Variants in CDK6 observed in about 807,000 individuals in gnomAD.
CDK6 encodes the protein cyclin dependent kinase 6, also known as cyclin-dependent kinase 6.
Under a neutral mutation model 37.1 loss-of-function variants are expected in CDK6, and 6 were observed. The observed-to-expected ratio is 0.16, with a 90% CI of 0.09 to 0.32. The LOEUF is 0.32. Ranked by LOEUF, CDK6 falls within the 10% of genes least tolerant of loss-of-function variation. CDK6 has a pLI of 1.00. For missense variants in CDK6, 224 were observed against 418.9 expected (o/e 0.53, Z 4.06); for synonymous variants, 160 against 161.3 (o/e 0.99, Z 0.06).
chr7:92,827,000 A>C (rs1801339455), intron 2 of CDK6, among the ~76,000 whole-genome samples: 1 of 152,156 alleles, frequency 6.6e-6, no homozygotes, highest in African/African-American at 2.4e-5. Context: ...TTTCTGGTAT[A>C]TCCAATGACC....
intron 3 of CDK6, among the ~76,000 whole-genome samples, chr7:92,769,201 CA>C (rs1799652468): frequency 6.6e-6 from 1 of 152,094 alleles, no homozygotes; most frequent in Non-Finnish European, 1.5e-5. Context: ...AAAAATATTA[CA>C]ACCAATAGAA....
chr7:92,831,435 T>C (rs1475685204), intron 2 of CDK6, among the ~76,000 whole-genome samples: 1 of 152,180 alleles, frequency 6.6e-6, no homozygotes, highest in Non-Finnish European at 1.5e-5. Flanking sequence ...AACAAGAACT[T>C]CCGTCTTAAA....
intron 2 of CDK6, 122 bp downstream of exon 2, chr7:92,832,969 G>T: frequency 1.5e-6 from 1 of 680,090 alleles, no homozygotes; most frequent in Non-Finnish European, 2.5e-6. Context: ...AAGACCAACA[G>T]GTCGCGCAGG....
intron 2 of CDK6, among the ~76,000 whole-genome samples, chr7:92,808,749 T>C (rs1800791960): frequency 6.6e-6 from 1 of 152,158 alleles, no homozygotes; most frequent in Non-Finnish European, 1.5e-5. Flanking sequence ...CATAACCCAT[T>C]TTCAGCTGGG....
chr7:92,807,498 A>G (rs1256899684), intron 2 of CDK6, among the ~76,000 whole-genome samples: 2 of 150,672 alleles, frequency 1.3e-5, no homozygotes, highest in Non-Finnish European at 3.0e-5. Context: ...GTAAGTTTAT[A>G]TCTATCTAAA....
chr7:92,741,871 G>A (rs992762805), intron 3 of CDK6, among the ~76,000 whole-genome samples: 8 of 152,200 alleles, frequency 5.3e-5, no homozygotes, highest in African/African-American at 1.4e-4. Flanking sequence ...ATAGCTACTC[G>A]AAGATAGTAA....
rs928636785 is a variant in CDK6 at position 92,613,437 on chromosome 7, C to G, written c.*1703G>C. The stretch of plus-strand genomic sequence containing the variant: ...AGGTGGCTAAACTTTCCAAAAGATA[C>G]TTTCTGTGTCCTCTGGTTACTAGAG... On this transcript the variant is annotated 3_prime_UTR_variant, in exon 8 of 8. Transcript: ENST00000424848. 1 of 233,596 alleles carries G rather than the reference C, an allele frequency of 4.3e-6. No individual in the cohort carries two copies. Among genetic ancestry groups the G allele is most frequent in the Non-Finnish European group, 8.5e-6 (1 of 118,052 alleles). 14.5% of individuals were successfully genotyped at this position (233,596 alleles called of 1,614,324 possible). A position where few individuals can be genotyped will look rare whatever the true frequency, so the allele number is the denominator to read the frequency against.
intron 4 of CDK6, among the ~76,000 whole-genome samples, chr7:92,691,831 A>G (rs1014264720): frequency 6.6e-6 from 1 of 152,254 alleles, no homozygotes; most frequent in African/African-American, 2.4e-5. Flanking sequence ...CAGATGTCAA[A>G]TACAGGGAAG....
chr7:92,653,333 C>T (rs1275539506), intron 5 of CDK6, among the ~76,000 whole-genome samples: 1 of 152,212 alleles, frequency 6.6e-6, no homozygotes, highest in Admixed American at 6.5e-5. Context: ...CCTAAGAATG[C>T]ATCTCAGGGC....
intron 4 of CDK6, among the ~76,000 whole-genome samples, chr7:92,686,605 AT>A (rs1322117930): frequency 1.3e-5 from 2 of 152,016 alleles, no homozygotes; most frequent in East Asian, 3.8e-4. Context: ...ATGTGCAAGT[AT>A]TTTTTTCGTA....
At chr7:92,705,163 CTT>C (rs1797938857) in intron 4 of CDK6, among the ~76,000 whole-genome samples, 1 of 152,082 alleles carries the variant, frequency 6.6e-6, no homozygotes, top group Non-Finnish European at 1.5e-5. Flanking sequence ...AGATTATTTT[CTT>C]TCTTTTTGAA....
chr7:92,669,584 T>C (rs940617648), intron 5 of CDK6, among the ~76,000 whole-genome samples: 4 of 152,230 alleles, frequency 2.6e-5, no homozygotes, highest in African/African-American at 4.8e-5. Context: ...TGCGATGAAG[T>C]AGAATGACTG....
chr7:92,811,873 C>T (rs949384367), intron 2 of CDK6, among the ~76,000 whole-genome samples: 2 of 152,094 alleles, frequency 1.3e-5, no homozygotes, highest in Non-Finnish European at 2.9e-5. Flanking sequence ...CTTAAAAGGG[C>T]GAGGCGCAGC....
intron 2 of CDK6, among the ~76,000 whole-genome samples, chr7:92,802,372 C>G (rs1800602344): frequency 6.6e-6 from 1 of 152,136 alleles, no homozygotes; most frequent in Admixed American, 6.5e-5. Flanking sequence ...TCTAATATAA[C>G]TATCAATCCT....
chr7:92,689,566 G>T (rs1356747770), intron 4 of CDK6, among the ~76,000 whole-genome samples: 2 of 152,128 alleles, frequency 1.3e-5, no homozygotes, highest in Non-Finnish European at 2.9e-5. Context: ...ATGATTCTTT[G>T]CTATTGTGAA....
chr7:92,639,675 G>A (rs1796257069), intron 5 of CDK6, among the ~76,000 whole-genome samples: 1 of 152,086 alleles, frequency 6.6e-6, no homozygotes, highest in South Asian at 2.1e-4. Context: ...CGTTGTTATG[G>A]GTAGTGACAG....
intron 4 of CDK6, among the ~76,000 whole-genome samples, chr7:92,715,342 G>A (rs1048739592): frequency 6.6e-6 from 1 of 151,922 alleles, no homozygotes; most frequent in African/African-American, 2.4e-5. Context: ...TAAATTTACA[G>A]CCCCATTTTT....
chr7:92,680,817 C>A (rs1348032625), intron 4 of CDK6, among the ~76,000 whole-genome samples: 2 of 152,170 alleles, frequency 1.3e-5, no homozygotes, highest in Non-Finnish European at 2.9e-5. Context: ...CCAGATCCTA[C>A]CCATCTTTCA....
At position 92,833,304 on chromosome 7, in the gene CDK6, C is replaced by T; in HGVS notation, c.20G>A (p.Cys7Tyr). Residue 7 changes from cysteine to tyrosine, a missense_variant, in exon 2 of 8, where the codon TGC (cysteine) becomes TAC (tyrosine). Around this residue, in one of 5 missense-constraint regions of CDK6, gnomAD observed 18 missense variants for 18.5 expected, o/e 0.97. Coordinates refer to ENST00000424848, the MANE Select transcript of CDK6 (RefSeq NM_001145306.2). This position sits in a 1 kb window ranked among gnomAD's most constrained non-coding sequence, Gnocchi z 6.1. ...GCATTCGTACTGCTGGTCAGCGCGG[C>T]ACAGGCCGTCCTTCTCCATGCCGCC... MEKDGLCRADQQYECVA... is the reference protein window; with the variant it reads MEKDGLYRADQQYECVA... 1 of 1,599,414 alleles carries T rather than the reference C, an allele frequency of 6.3e-7. No individual in the cohort carries two copies.
Sources: allele counts gnomAD v4.1 joint callset (sites outside exome capture counted in the v4.1 genomes callset), GRCh38; gene constraint gnomAD v4.1.1; regional missense constraint gnomAD v4.1.1; non-coding constraint Gnocchi (gnomAD v3.1); transcripts MANE v1.5; gene names NCBI Gene and HGNC (gene_info 2026-07-23, HGNC 2026-07-21).